The following CRISP1 variants were observed in gnomAD, a reference collection of about 807,000 sequenced individuals.
CRISP1 encodes the protein cysteine rich secretory protein 1.
In CRISP1, 44 loss-of-function variants were observed where a neutral mutation model predicts 33.1. The ratio of observed to expected loss-of-function variants is 1.33; its 90% CI spans 1.05 to 1.71. CRISP1 has a LOEUF of 1.71. Ranked by LOEUF, CRISP1 falls within the 40% of genes most tolerant of loss-of-function variation. The probability of loss-of-function intolerance (pLI) is 0.00; values close to 1 mark genes in which losing one functional copy is unlikely to be tolerated. For missense variants in CRISP1, 390 were observed against 301.2 expected, an observed-to-expected ratio of 1.29 and a Z score of -2.18; for synonymous variants, 103 against 98.7, an observed-to-expected ratio of 1.04 and a Z score of -0.26.
intron 2 of CRISP1, among the ~76,000 whole-genome samples, chr6:49,855,849 T>C (rs768612882): frequency 2.6e-5 from 4 of 152,212 alleles, no homozygotes; most frequent in Admixed American, 1.3e-4. Flanking sequence ...GAAAGCATAA[T>C]ACTACTTTTG....
intron 4 of CRISP1, among the ~76,000 whole-genome samples, chr6:49,847,039 A>G (rs906439932): frequency 2.6e-5 from 4 of 152,166 alleles, no homozygotes; most frequent in African/African-American, 9.7e-5. Context: ...AAAGATGTTG[A>G]ATAAACATTT....
At chr6:49,857,943 A>T (rs1429688420) in intron 1 of CRISP1, among the ~76,000 whole-genome samples, 1 of 152,206 alleles carries the variant, frequency 6.6e-6, no homozygotes, top group Non-Finnish European at 1.5e-5. Context: ...CCCTGTTGAC[A>T]TTCTGATTTT....
At chr6:49,843,629 G>C (rs1272381898) in intron 5 of CRISP1, among the ~76,000 whole-genome samples, 1 of 152,158 alleles carries the variant, frequency 6.6e-6, no homozygotes, top group African/African-American at 2.4e-5. Flanking sequence ...ATTTTGTTAT[G>C]GTAGACTGAG....
At chr6:49,840,728 C>T (rs1561939280) in intron 6 of CRISP1, among the ~76,000 whole-genome samples, 170 bp downstream of exon 6, 1 of 152,062 alleles carries the variant, frequency 6.6e-6, no homozygotes, top group East Asian at 1.9e-4. Context: ...AAGACTCAAA[C>T]TACAGATTGT....
upstream of CRISP1, among the ~76,000 whole-genome samples, chr6:49,868,667 C>T (rs1771855757): frequency 6.6e-6 from 1 of 152,110 alleles, no homozygotes; most frequent in Non-Finnish European, 1.5e-5. Flanking sequence ...CCACTGGACA[C>T]AGACATCCTC....
chr6:49,846,790 G>A, intron 4 of CRISP1, 122 bp from the exon 5 acceptor site: 2 of 927,186 alleles, frequency 2.2e-6, no homozygotes, highest in Non-Finnish European at 3.1e-6. Context: ...CTTCTGAGAG[G>A]GAGTAAAATA....
intron 1 of CRISP1, among the ~76,000 whole-genome samples, chr6:49,859,481 A>C (rs952629082): frequency 6.6e-6 from 1 of 152,104 alleles, no homozygotes; most frequent in Non-Finnish European, 1.5e-5. Context: ...TTAAAAAAAA[A>C]GTTTTTTCCA....
At chr6:49,875,283 G>T (rs539738216) in intron 1 of CRISP1, among the ~76,000 whole-genome samples, 1 of 151,904 alleles carries the variant, frequency 6.6e-6, no homozygotes, top group East Asian at 1.9e-4. Context: ...GGCAAGCAGA[G>T]GGCCAAATCA....
chr6:49,844,417 A>C (rs114555140), intron 5 of CRISP1, among the ~76,000 whole-genome samples: 1 of 152,128 alleles, frequency 6.6e-6, no homozygotes, highest in African/African-American at 2.4e-5. Flanking sequence ...TGACTCCCCA[A>C]ATGTTTCAGA....
At chr6:49,855,571 A>G (rs149920151) in intron 2 of CRISP1, among the ~76,000 whole-genome samples, 4 of 152,208 alleles carry the variant, frequency 2.6e-5, no homozygotes, top group Non-Finnish European at 4.4e-5. Context: ...TTGCAGGTAT[A>G]CCGTGTGCTC....
At chr6:49,861,612 G>A (rs544237050) in intron 1 of CRISP1, among the ~76,000 whole-genome samples, 15 of 152,176 alleles carry the variant, frequency 9.9e-5, no homozygotes, top group South Asian at 4.2e-4. Flanking sequence ...GGCCAGGCAC[G>A]GTAACTCACG....
At chr6:49,836,839 T>A (rs1167205809) in intron 7 of CRISP1, among the ~76,000 whole-genome samples, 1 of 152,182 alleles carries the variant, frequency 6.6e-6, no homozygotes, top group Non-Finnish European at 1.5e-5. Context: ...AATTGTATAT[T>A]TGATAGTGTA....
chr6:49,835,107 GC>G lies in CRISP1; in HGVS notation c.*208del. The G allele has an allele frequency of 4.7e-6, 2 of 428,264 alleles. 1 individual carries two copies. Among genetic ancestry groups the G allele is most frequent in the South Asian group, 1.2e-4 (2 of 16,244 alleles). 26.5% of individuals were successfully genotyped at this position (428,264 alleles called of 1,614,324 possible). A position where few individuals can be genotyped will look rare whatever the true frequency, so the allele number is the denominator to read the frequency against. ...ATAAATCACATGATTTAAATTTAAG[GC>G]AGGTGTTGGACTTGACCTTTTACTC... On this transcript the variant is annotated 3_prime_UTR_variant, in exon 8 of 8. Coordinates refer to ENST00000335847, the MANE Select transcript of CRISP1 (RefSeq NM_001131.3).
At chr6:49,859,053 C>G in intron 1 of CRISP1, among the ~76,000 whole-genome samples, 1 of 152,116 alleles carries the variant, frequency 6.6e-6, no homozygotes, top group East Asian at 1.9e-4. Flanking sequence ...GTGACCCCCA[C>G]TGATGCACAT....
intron 1 of CRISP1, among the ~76,000 whole-genome samples, chr6:49,864,384 CTGTGTGTGTG>C (rs3997164): frequency 3.2e-4 from 45 of 142,366 alleles, no homozygotes; most frequent in African/African-American, 4.9e-4. Flanking sequence ...TTGCTATTCA[CTGTGTGTGTG>C]TGTGTGTGTG....
chr6:49,853,855 G>T (rs889130526), intron 2 of CRISP1, among the ~76,000 whole-genome samples: 12 of 152,000 alleles, frequency 7.9e-5, no homozygotes, highest in African/African-American at 2.9e-4. Context: ...CAATTCTCCT[G>T]CCTGTTCTAT....
Position 49,835,251 on chromosome 6 carries a change from A to T in CRISP1, c.*65T>A. ...AGAAGCTACTGAACTATAGCAAAAG[A>T]CATGAATCCAACAGACATCTCCTCC... On this transcript the variant is annotated 3_prime_UTR_variant, in exon 8 of 8. Coordinates refer to ENST00000335847, the MANE Select transcript of CRISP1 (RefSeq NM_001131.3). 6.5e-7 allele frequency: 1 copy of T among 1,549,438 alleles called. No homozygotes were observed. Among genetic ancestry groups the T allele is most frequent in the Non-Finnish European group, 8.8e-7 (1 of 1,139,718 alleles).
intron 5 of CRISP1, among the ~76,000 whole-genome samples, chr6:49,845,471 G>T (rs1489402085): frequency 3.9e-5 from 6 of 152,198 alleles, no homozygotes; most frequent in African/African-American, 1.4e-4. Flanking sequence ...ATCCTAAGCA[G>T]ATTAATAGAG....
chr6:49,866,821 C>T (rs559063341), upstream of CRISP1, among the ~76,000 whole-genome samples: 9 of 152,236 alleles, frequency 5.9e-5, no homozygotes, highest in African/African-American at 1.9e-4. Context: ...GGTCCAGAAA[C>T]TTCTCAACTT....
Sources: gnomAD v4.1 joint callset for allele counts (sites outside exome capture counted in the v4.1 genomes callset) on GRCh38, gnomAD v4.1.1 for gene constraint, MANE v1.5 for transcripts, NCBI Gene and HGNC (gene_info 2026-07-23, HGNC 2026-07-21) for gene names.